Variants in VGLL4 observed in about 807,000 individuals in gnomAD.
The protein encoded by VGLL4 is vestigial like family member 4, also known as transcription cofactor vestigial-like protein 4.
Under a neutral mutation model 21.0 loss-of-function variants are expected in VGLL4, and 7 were observed. The observed-to-expected ratio is 0.33, with a 90% CI of 0.19 to 0.63. The LOEUF is 0.63. VGLL4 is among the 20% of genes least tolerant of loss of function. The pLI, the probability that VGLL4 is intolerant of heterozygous loss-of-function variation, is 0.78. For missense variants in VGLL4, 394 were observed against 425.7 expected (o/e 0.93, Z 0.66); for synonymous variants, 222 against 173.2 (o/e 1.28, Z -2.21).
At chr3:11,713,004 C>T (rs1285798658) in intron 1 of VGLL4, among the ~76,000 whole-genome samples, 1 of 152,118 alleles carries the variant, frequency 6.6e-6, no homozygotes, top group African/African-American at 2.4e-5. Flanking sequence ...AACAATGACA[C>T]CGGCAACAAA....
chr3:11,645,132 A>G (rs2075768620), upstream of VGLL4, among the ~76,000 whole-genome samples: 1 of 151,858 alleles, frequency 6.6e-6, no homozygotes, highest in Middle Eastern at 3.4e-3. Flanking sequence ...TGTTTACTGA[A>G]CGAGTGAACC....
At chr3:11,603,793 T>C (rs1341330706) in intron 1 of VGLL4, among the ~76,000 whole-genome samples, 1 of 152,150 alleles carries the variant, frequency 6.6e-6, no homozygotes, top group Non-Finnish European at 1.5e-5. Context: ...GCCAGCTGTG[T>C]AGCAACAAGA....
At chr3:11,695,960 A>G (rs912487920) in intron 2 of VGLL4, among the ~76,000 whole-genome samples, 2 of 152,206 alleles carry the variant, frequency 1.3e-5, no homozygotes, top group African/African-American at 4.8e-5. Flanking sequence ...ATTGAGCATT[A>G]TTTTTAGACT....
At chr3:11,624,419 G>T (rs1212355578) in intron 1 of VGLL4, among the ~76,000 whole-genome samples, 1 of 152,152 alleles carries the variant, frequency 6.6e-6, no homozygotes, top group Non-Finnish European at 1.5e-5. Context: ...CAGAAAGCAA[G>T]ATTTAGGCCG....
intron 2 of VGLL4, among the ~76,000 whole-genome samples, chr3:11,699,054 G>A (rs1575542278): frequency 2.0e-5 from 3 of 152,130 alleles, no homozygotes; most frequent in African/African-American, 7.2e-5. Flanking sequence ...CATTCACAAG[G>A]CTTTTTTAAA....
In VGLL4 at chr3:11,606,836, G is replaced by A. The variant is rs557783869; in HGVS notation, c.83-4814C>T. Among the ~76,000 whole-genome samples the A allele has an allele frequency of 6.6e-5, 10 of 152,268 alleles. No individual in the cohort carries two copies. The South Asian group carries it at 1.0e-3, about 16-fold the overall frequency. On this transcript the variant is annotated intron_variant, in intron 1 of 4. Transcript: ENST00000430365. ...GCAACCCACTCAAGTCCCCTTCCAC[G>A]CTGTGGAAGCTTTGTTCCTTTGCTC...
intron 1 of VGLL4, among the ~76,000 whole-genome samples, chr3:11,625,868 G>C (rs1296948293): frequency 6.6e-6 from 1 of 152,134 alleles, no homozygotes; most frequent in Non-Finnish European, 1.5e-5. Context: ...ACAGAAAGTA[G>C]ATCTGTGGCT....
chr3:11,592,745 C>G (rs556607062), intron 2 of VGLL4, among the ~76,000 whole-genome samples: 100 of 152,272 alleles, frequency 6.6e-4, no homozygotes, highest in Non-Finnish European at 1.2e-3. Flanking sequence ...TGGTACTTAC[C>G]AGAGTGTGTG....
Position 11,676,415 on chromosome 3 carries a change from AT to A in VGLL4, c.64+26555del, listed in dbSNP as rs1392960771. Among the ~76,000 whole-genome samples, 165 of 33,968 alleles carry A rather than the reference AT, an allele frequency of 4.9e-3. 2 individuals are homozygous for A. Among genetic ancestry groups the A allele is most frequent in the African/African-American group, 0.011 (161 of 15,120 alleles). 22.3% of individuals were successfully genotyped at this position (33,968 alleles called of 152,430 possible). Reference sequence around the variant, plus strand: ...GTCTCAAAAAAAAAAAAAAAATAAAATAATAATAATAATAATAATAATAATA... The same window carrying A: ...GTCTCAAAAAAAAAAAAAAAATAAAAAATAATAATAATAATAATAATAATA... On this transcript the variant is annotated intron_variant, in intron 2 of 5. Transcript: ENST00000273038.
At chr3:11,617,201 G>C (rs929919140) in intron 1 of VGLL4, among the ~76,000 whole-genome samples, 6 of 152,152 alleles carry the variant, frequency 3.9e-5, no homozygotes, top group African/African-American at 1.4e-4. Context: ...AGAAATGATG[G>C]GTATGAGCAT....
chr3:11,631,373 A>C (rs2075474192), intron 1 of VGLL4, among the ~76,000 whole-genome samples: 1 of 152,182 alleles, frequency 6.6e-6, no homozygotes, highest in Non-Finnish European at 1.5e-5. Flanking sequence ...ACCAAAACTT[A>C]AGTCATCCTG....
intron 2 of VGLL4, among the ~76,000 whole-genome samples, chr3:11,575,802 T>C (rs2074023311): frequency 6.6e-6 from 1 of 152,240 alleles, no homozygotes; most frequent in African/African-American, 2.4e-5. Flanking sequence ...TGAGTGAGTC[T>C]GGGGCCAACC....
At chr3:11,624,917 A>C (rs1481538962) in intron 1 of VGLL4, among the ~76,000 whole-genome samples, 1 of 152,188 alleles carries the variant, frequency 6.6e-6, no homozygotes, top group Non-Finnish European at 1.5e-5. Flanking sequence ...CACCACGATC[A>C]CGCTCTGAGA....
chr3:11,590,781 A>G (rs1167854394), intron 2 of VGLL4, among the ~76,000 whole-genome samples: 1 of 152,154 alleles, frequency 6.6e-6, no homozygotes, highest in Non-Finnish European at 1.5e-5. Flanking sequence ...TACACCAGAT[A>G]CAGAATGTGG....
upstream of VGLL4, among the ~76,000 whole-genome samples, chr3:11,645,493 G>A (rs1225919834): frequency 1.5e-5 from 2 of 129,692 alleles, no homozygotes; most frequent in Non-Finnish European, 3.3e-5. Flanking sequence ...GGGAGGCTGA[G>A]GCAGGAGAAT....
chr3:11,662,162 G>T (rs1053381990), intron 2 of VGLL4, among the ~76,000 whole-genome samples: 24 of 152,112 alleles, frequency 1.6e-4, no homozygotes, highest in African/African-American at 5.6e-4. Context: ...CCAAAGACAG[G>T]GCCACATAAC....
At chr3:11,711,008 G>A (rs866865601) in intron 1 of VGLL4, among the ~76,000 whole-genome samples, 3 of 151,872 alleles carry the variant, frequency 2.0e-5, no homozygotes, top group South Asian at 2.1e-4. Context: ...GCTGAGGCAG[G>A]AGAATCACTC....
At chr3:11,661,435 TTTTATTTA>T (rs56380247) in intron 2 of VGLL4, among the ~76,000 whole-genome samples, 33 of 148,120 alleles carry the variant, frequency 2.2e-4, no homozygotes, top group African/African-American at 3.0e-4. Context: ...ACATTTTTCC[TTTTATTTA>T]TTTATTTATT....
chr3:11,562,991 G>A (rs900847175), intron 3 of VGLL4, among the ~76,000 whole-genome samples: 2 of 152,236 alleles, frequency 1.3e-5, no homozygotes, highest in African/African-American at 4.8e-5. Flanking sequence ...AGGGAGACAG[G>A]GTAAAGAGAG....
Sources: allele counts gnomAD v4.1 joint callset (sites outside exome capture counted in the v4.1 genomes callset), GRCh38; gene constraint gnomAD v4.1.1; transcripts MANE v1.5; gene names NCBI Gene and HGNC (gene_info 2026-07-23, HGNC 2026-07-21).